DOCK3: variants seen among roughly 807,000 people sequenced by gnomAD.
The protein encoded by DOCK3 is dedicator of cytokinesis 3, also known as dedicator of cytokinesis protein 3.
A neutral mutation model predicts 265.6 loss-of-function variants in DOCK3; 60 were observed. That is an observed-to-expected ratio of 0.23 (90% confidence interval 0.18 to 0.28). The LOEUF is 0.28. Among genes scored for constraint, DOCK3 ranks in the 10% least tolerant of loss-of-function variants. The pLI is 1.00. For missense variants in DOCK3, 1,981 were observed against 2,594.3 expected, an observed-to-expected ratio of 0.76 and a Z score of 5.14; for synonymous variants, 881 against 938.0, an observed-to-expected ratio of 0.94 and a Z score of 1.11.
chr3:50,694,359 T>G (rs911519488), intron 1 of DOCK3, among the ~76,000 whole-genome samples: 8 of 152,216 alleles, frequency 5.3e-5, no homozygotes, highest in Non-Finnish European at 1.2e-4. Context: ...GAGATTTCCT[T>G]TATAGATTTA....
intron 5 of DOCK3, among the ~76,000 whole-genome samples, chr3:51,000,137 T>C (rs933456968): frequency 6.6e-6 from 1 of 152,202 alleles, no homozygotes; most frequent in East Asian, 1.9e-4. Flanking sequence ...TCCCATGGAA[T>C]CTTTCTCAGG....
At chr3:51,030,481 C>T (rs998773431) in intron 5 of DOCK3, among the ~76,000 whole-genome samples, 3 of 152,066 alleles carry the variant, frequency 2.0e-5, no homozygotes, top group Admixed American at 6.6e-5. Context: ...TATAGTCTAC[C>T]TCTGATTAGT....
chr3:51,208,474 A>C lies in DOCK3; in HGVS notation c.1038-300A>C, dbSNP rs1160562359. On this transcript the variant is annotated intron_variant, in intron 12 of 52. Transcript: ENST00000266037. ...GGGGCCTGTTTATATGTCTGTGCAC[A>C]TGCATGCAACGGGTGATAGAAAAGA... 2.6e-5 allele frequency among the ~76,000 whole-genome samples: 4 copies of C among 152,326 alleles called. No homozygotes were observed. In the East Asian group the frequency reaches 7.7e-4, roughly 29 times the overall value.
intron 6 of DOCK3, among the ~76,000 whole-genome samples, chr3:51,069,690 T>C (rs907369599): frequency 3.3e-5 from 5 of 152,162 alleles, no homozygotes; most frequent in African/African-American, 9.7e-5. Flanking sequence ...TATTTTTACA[T>C]ATTCTAACCC....
chr3:51,168,716 C>T (rs534128093), intron 12 of DOCK3, among the ~76,000 whole-genome samples: 110 of 152,198 alleles, frequency 7.2e-4, no homozygotes, highest in African/African-American at 2.6e-3. Context: ...CAAAAGCCAT[C>T]GCAACAAATG....
intron 9 of DOCK3, among the ~76,000 whole-genome samples, chr3:51,132,004 G>A (rs551825858): frequency 6.6e-6 from 1 of 152,266 alleles, no homozygotes; most frequent in African/African-American, 2.4e-5. Flanking sequence ...GGATGAGTAG[G>A]TCTAAAGTGA....
chr3:50,958,255 C>T (rs2076782414), intron 5 of DOCK3, among the ~76,000 whole-genome samples: 2 of 152,184 alleles, frequency 1.3e-5, no homozygotes, highest in South Asian at 4.1e-4. Flanking sequence ...GAAAGAATAG[C>T]TGCACCTTCA....
At chr3:51,081,652 T>TA (rs1370148475) in intron 7 of DOCK3, among the ~76,000 whole-genome samples, 1 of 151,956 alleles carries the variant, frequency 6.6e-6, no homozygotes, top group African/African-American at 2.4e-5. Context: ...TCCCAGCACT[T>TA]TGGGAGGCCA....
intron 5 of DOCK3, among the ~76,000 whole-genome samples, chr3:51,053,582 C>T (rs1344012575): frequency 6.6e-5 from 10 of 151,786 alleles, no homozygotes; most frequent in African/African-American, 9.7e-5. Context: ...CCACCATGCC[C>T]GGCTAATTTT....
At chr3:50,779,671 A>T (rs1271707282) in intron 2 of DOCK3, among the ~76,000 whole-genome samples, 2 of 152,376 alleles carry the variant, frequency 1.3e-5, no homozygotes, top group East Asian at 3.9e-4. Context: ...GGCGTGAGCC[A>T]CTGCGCCTGG....
In DOCK3 at chr3:51,025,666, G is replaced by A. The variant is rs1332286985; in HGVS notation, c.316-38782G>A. On this transcript the variant is annotated intron_variant, in intron 5 of 52. Transcript: ENST00000266037. ...AGATTATATCACAAAATTCAGTTGG[G>A]AGCTGCATTTACCCTGTGAATTCTC... 2.0e-5 allele frequency among the ~76,000 whole-genome samples: 3 copies of A among 152,180 alleles called. No homozygotes were observed. In the East Asian group the frequency reaches 5.8e-4, roughly 29 times the overall value.
chr3:51,268,659 C>T (rs143808924), intron 23 of DOCK3, among the ~76,000 whole-genome samples: 1 of 152,184 alleles, frequency 6.6e-6, no homozygotes, highest in Non-Finnish European at 1.5e-5. Context: ...TCTGTGTTGC[C>T]TCTTGATACC....
At chr3:51,117,323 G>A (rs1360087488) in intron 9 of DOCK3, among the ~76,000 whole-genome samples, 1 of 152,140 alleles carries the variant, frequency 6.6e-6, no homozygotes, top group Non-Finnish European at 1.5e-5. Context: ...TGACTTGATT[G>A]TGGTGGATAA....
At chr3:51,073,550 A>G (rs1017930013) in intron 6 of DOCK3, among the ~76,000 whole-genome samples, 7 of 152,238 alleles carry the variant, frequency 4.6e-5, no homozygotes, top group African/African-American at 1.7e-4. Context: ...ATTTAAATGC[A>G]TTAACTTCAA....
chr3:50,770,878 A>G (rs2041233801), intron 1 of DOCK3, among the ~76,000 whole-genome samples: 1 of 152,230 alleles, frequency 6.6e-6, no homozygotes, highest in Non-Finnish European at 1.5e-5. Context: ...AGTCTCTTCA[A>G]TAAATGGTGC....
At chr3:50,954,208 C>G (rs2076670688) in intron 5 of DOCK3, among the ~76,000 whole-genome samples, 1 of 152,098 alleles carries the variant, frequency 6.6e-6, no homozygotes. Flanking sequence ...CCATATGGTC[C>G]TGTTGCGACT....
chr3:51,258,019 A>T (rs2079644174), intron 22 of DOCK3, among the ~76,000 whole-genome samples: 2 of 152,276 alleles, frequency 1.3e-5, no homozygotes, highest in South Asian at 4.2e-4. Flanking sequence ...GTTTTCATGG[A>T]GACTTCTCTG....
At chr3:50,724,394 A>G (rs1323612045) in intron 1 of DOCK3, among the ~76,000 whole-genome samples, 3 of 152,202 alleles carry the variant, frequency 2.0e-5, no homozygotes, top group Non-Finnish European at 4.4e-5. Context: ...ATGCACACGT[A>G]TGTTTATTGC....
chr3:51,254,530 G>A lies in DOCK3; in HGVS notation c.2185-5626G>A, dbSNP rs541572791. ...TCTCTTTGTAGGTCTCTAAGGACTTGCTTTATGAATCTGGGTGCTCCTGCA... is the reference window on the plus strand; with the variant it reads ...TCTCTTTGTAGGTCTCTAAGGACTTACTTTATGAATCTGGGTGCTCCTGCA... On this transcript the variant is annotated intron_variant, in intron 22 of 52. Coordinates refer to ENST00000266037, the MANE Select transcript of DOCK3 (RefSeq NM_004947.5). Among the ~76,000 whole-genome samples the A allele has an allele frequency of 2.6e-5, 4 of 152,240 alleles. No individual in the cohort carries two copies. In the East Asian group the frequency reaches 7.7e-4, roughly 29 times the overall value.
Sources: allele counts gnomAD v4.1 joint callset (sites outside exome capture counted in the v4.1 genomes callset), GRCh38; gene constraint gnomAD v4.1.1; transcripts MANE v1.5; gene names NCBI Gene and HGNC (gene_info 2026-07-23, HGNC 2026-07-21).